Variants in CDH13 observed in about 807,000 individuals in gnomAD.
CDH13 encodes the protein cadherin-13.
CDH13 carries 24 observed loss-of-function variants against 63.8 expected under a neutral mutation model. The observed-to-expected ratio is 0.38, with a 90% CI of 0.27 to 0.53. The LOEUF is 0.53. CDH13 is among the 20% of genes least tolerant of loss of function. The pLI, the probability that CDH13 is intolerant of heterozygous loss-of-function variation, is 0.85. For missense variants in CDH13, 1,049 were observed against 903.1 expected (o/e 1.16, Z -2.07); for synonymous variants, 503 against 355.3 (o/e 1.42, Z -4.67).
At chr16:83,175,501 G>C (rs1448104573) in intron 4 of CDH13, among the ~76,000 whole-genome samples, 1 of 152,086 alleles carries the variant, frequency 6.6e-6, no homozygotes, top group Admixed American at 6.6e-5. Flanking sequence ...AGGAGAAACT[G>C]TATGGGGATG....
intron 3 of CDH13, among the ~76,000 whole-genome samples, chr16:83,070,854 AGC>A (rs1491400470): frequency 9.7e-6 from 1 of 102,938 alleles, no homozygotes; most frequent in African/African-American, 4.3e-5. Context: ...AGTAATAAAC[AGC>A]CCCCCCCCCC....
intron 2 of CDH13, among the ~76,000 whole-genome samples, chr16:82,995,513 A>G (rs1048862546): frequency 3.9e-5 from 6 of 152,194 alleles, no homozygotes; most frequent in African/African-American, 1.4e-4. Context: ...AAGAGATGGC[A>G]TGGCAACAGG....
chr16:83,129,617 G>A (rs1281949401), intron 4 of CDH13, among the ~76,000 whole-genome samples: 2 of 152,128 alleles, frequency 1.3e-5, no homozygotes, highest in African/African-American at 4.8e-5. Flanking sequence ...CACCAGCTGG[G>A]GTATTTCTAC....
At chr16:82,872,801 T>C (rs1055998480) in intron 2 of CDH13, among the ~76,000 whole-genome samples, 1 of 152,224 alleles carries the variant, frequency 6.6e-6, no homozygotes, top group Non-Finnish European at 1.5e-5. Flanking sequence ...ATTGAGTCCC[T>C]ACCACTCATT....
intron 3 of CDH13, among the ~76,000 whole-genome samples, chr16:83,064,664 C>G (rs1457510304): frequency 1.3e-5 from 2 of 152,138 alleles, no homozygotes; most frequent in African/African-American, 4.8e-5. Context: ...CCAATTCAGA[C>G]TAGCCAATTT....
intron 6 of CDH13, among the ~76,000 whole-genome samples, chr16:83,386,731 A>T (rs895481289): frequency 8.5e-5 from 13 of 152,172 alleles, no homozygotes; most frequent in Non-Finnish European, 1.6e-4. Context: ...AAATCTAACC[A>T]TGGTGGCTTA....
chr16:83,409,847 CT>C (rs1157435038), intron 6 of CDH13, among the ~76,000 whole-genome samples: 6 of 152,128 alleles, frequency 3.9e-5, no homozygotes, highest in Non-Finnish European at 7.4e-5. Flanking sequence ...ATTTAACTGG[CT>C]TTTTTTCTAA....
At chr16:82,695,990 C>T (rs1269202177) in intron 1 of CDH13, among the ~76,000 whole-genome samples, 1 of 152,176 alleles carries the variant, frequency 6.6e-6, no homozygotes, top group African/African-American at 2.4e-5. Flanking sequence ...TTCCACAACA[C>T]TAAGCCTTTC....
At chr16:83,775,690 T>C (rs1915060601) in intron 11 of CDH13, among the ~76,000 whole-genome samples, 1 of 150,630 alleles carries the variant, frequency 6.6e-6, no homozygotes, top group Non-Finnish European at 1.5e-5. Flanking sequence ...CACTGCAGCC[T>C]GGGAGACAGA....
At chr16:83,038,746 G>A (rs1440036228) in intron 3 of CDH13, among the ~76,000 whole-genome samples, 2 of 152,182 alleles carry the variant, frequency 1.3e-5, no homozygotes, top group Non-Finnish European at 2.9e-5. Context: ...ACGCAGAAAT[G>A]TCTTTATCTG....
chr16:83,252,097 A>G (rs971838776), intron 5 of CDH13, among the ~76,000 whole-genome samples: 6 of 47,804 alleles, frequency 1.3e-4, no homozygotes, highest in Admixed American at 7.2e-4. Flanking sequence ...ATATATGTAT[A>G]TATATATTAT....
intron 1 of CDH13, among the ~76,000 whole-genome samples, chr16:82,640,665 G>C (rs1418549469): frequency 6.6e-6 from 1 of 152,178 alleles, no homozygotes; most frequent in African/African-American, 2.4e-5. Flanking sequence ...TTAAGACAGG[G>C]ATAGGGCAGA....
rs140101753 is a variant in CDH13, at chr16:82,916,127, A to G, written c.157+57654A>G. Among the ~76,000 whole-genome samples the G allele has an allele frequency of 2.3e-3, 343 of 152,262 alleles. 1 individual carries two copies. Among genetic ancestry groups the G allele is most frequent in the African/African-American group, 7.9e-3 (328 of 41,546 alleles). ...TTCTTGATTTTACCTGGGAGTCCAA[A>G]GTTCAATTCCATAAAGCAAGCGTTT... On this transcript the variant is annotated intron_variant, in intron 2 of 13. Coordinates refer to ENST00000567109, the MANE Select transcript of CDH13 (RefSeq NM_001257.5).
At chr16:83,186,978 A>AT (rs34326819) in intron 4 of CDH13, among the ~76,000 whole-genome samples, 30,691 of 150,578 alleles carry the variant, frequency 0.2, 4,383 homozygotes, top group African/African-American at 0.42. Context: ...TATTACTGTA[A>AT]TTTTTTTTTT....
chr16:83,712,662 G>A (rs529900751), intron 10 of CDH13, among the ~76,000 whole-genome samples: 1 of 152,300 alleles, frequency 6.6e-6, no homozygotes, highest in East Asian at 1.9e-4. Flanking sequence ...TTTTACTTAT[G>A]TTATTCAATT....
rs1461794093 is a variant in CDH13 at position 83,410,131 on chromosome 16, C to G, written c.781+65125C>G. 2.6e-5 allele frequency among the ~76,000 whole-genome samples: 4 copies of G among 152,094 alleles called. No individual in the cohort carries two copies. The East Asian group carries it at 7.7e-4, about 29-fold the overall frequency. Reference sequence around the variant, plus strand: ...ACAGGTAATAAGATTATGAGCATAGCCCATGTAGAGCGCATGGTTTTATCA... The same window carrying G: ...ACAGGTAATAAGATTATGAGCATAGGCCATGTAGAGCGCATGGTTTTATCA... On this transcript the variant is annotated intron_variant, in intron 6 of 13. Coordinates refer to ENST00000567109, the MANE Select transcript of CDH13 (RefSeq NM_001257.5).
chr16:83,748,999 G>C (rs1215461801), intron 11 of CDH13, among the ~76,000 whole-genome samples: 3 of 152,202 alleles, frequency 2.0e-5, no homozygotes, highest in Non-Finnish European at 2.9e-5. Context: ...ATGAGAAAAA[G>C]AGAGTTCCTA....
At chr16:82,844,140 A>G (rs991958675) in intron 1 of CDH13, among the ~76,000 whole-genome samples, 1 of 152,180 alleles carries the variant, frequency 6.6e-6, no homozygotes, top group Non-Finnish European at 1.5e-5. Flanking sequence ...ACAAGCTTAC[A>G]GAAGGGAAGT....
chr16:83,086,326 A>T (rs571600891), intron 3 of CDH13, among the ~76,000 whole-genome samples: 1 of 152,336 alleles, frequency 6.6e-6, no homozygotes, highest in African/African-American at 2.4e-5. Flanking sequence ...TCAATTCCAG[A>T]TCTACCATTT....
Sources: allele counts gnomAD v4.1 joint callset (sites outside exome capture counted in the v4.1 genomes callset), GRCh38; gene constraint gnomAD v4.1.1; transcripts MANE v1.5; gene names NCBI Gene and HGNC (gene_info 2026-07-23, HGNC 2026-07-21).